CTNND2: variants seen among roughly 807,000 people sequenced by gnomAD.
The protein encoded by CTNND2 is catenin delta-2.
In CTNND2, 22 loss-of-function variants were observed where a neutral mutation model predicts 144.4. The ratio of observed to expected loss-of-function variants is 0.15; its 90% CI spans 0.11 to 0.22. CTNND2 has a LOEUF of 0.22. Ranked by LOEUF, CTNND2 falls within the 10% of genes least tolerant of loss-of-function variation. CTNND2 has a pLI of 1.00. For missense variants in CTNND2, 1,353 were observed against 1,618.8 expected, an observed-to-expected ratio of 0.84 and a Z score of 2.82; for synonymous variants, 751 against 695.6, an observed-to-expected ratio of 1.08 and a Z score of -1.25.
At chr5:11,265,361 G>C (rs1208035672) in intron 9 of CTNND2, among the ~76,000 whole-genome samples, 4 of 152,126 alleles carry the variant, frequency 2.6e-5, no homozygotes, top group African/African-American at 7.2e-5. Flanking sequence ...TTTCCTAGCT[G>C]AAAAAACAAT....
intron 12 of CTNND2, among the ~76,000 whole-genome samples, chr5:11,128,989 AAT>A (rs1413671451): frequency 3.8e-5 from 1 of 26,504 alleles, no homozygotes; most frequent in Non-Finnish European, 8.7e-5. Context: ...AAATATATAT[AAT>A]ATATAATATA....
chr5:11,656,237 C>A (rs2126552327), intron 2 of CTNND2, among the ~76,000 whole-genome samples: 1 of 152,062 alleles, frequency 6.6e-6, no homozygotes, highest in East Asian at 1.9e-4. Context: ...CCTAGAAATA[C>A]AATCAATAAG....
At chr5:11,637,501 CT>C (rs1781773206) in intron 2 of CTNND2, among the ~76,000 whole-genome samples, 1 of 152,096 alleles carries the variant, frequency 6.6e-6, no homozygotes, top group South Asian at 2.1e-4. Flanking sequence ...GACAAAGTTA[CT>C]TTTTTAAATT....
chr5:11,013,740 C>T (rs1041675881), intron 18 of CTNND2, among the ~76,000 whole-genome samples: 21 of 152,176 alleles, frequency 1.4e-4, no homozygotes, highest in East Asian at 3.8e-4. Flanking sequence ...ACTGCTGGAA[C>T]GGTACTGCCT....
chr5:11,244,834 G>T (rs1322707816), intron 9 of CTNND2, among the ~76,000 whole-genome samples: 2 of 152,176 alleles, frequency 1.3e-5, no homozygotes, highest in African/African-American at 4.8e-5. Flanking sequence ...CTGGAGAAGT[G>T]CTCAGCTCAT....
chr5:11,846,153 T>A lies in CTNND2; in HGVS notation c.37+57664A>T, dbSNP rs551734549. Among the ~76,000 whole-genome samples the A allele has an allele frequency of 1.8e-4, 28 of 152,298 alleles. No individual in the cohort carries two copies. The East Asian group carries it at 2.1e-3, about 12-fold the overall frequency. On this transcript the variant is annotated intron_variant, in intron 1 of 21. Coordinates refer to ENST00000304623, the MANE Select transcript of CTNND2 (RefSeq NM_001332.4). ...GAAATAGGTATAAAAAGAAATTTTC[T>A]TACCTATTTCTATTTGGACAATTTT... is the stretch of plus-strand genomic sequence containing the variant.
At chr5:11,305,105 C>T (rs17794637) in intron 9 of CTNND2, among the ~76,000 whole-genome samples, 25,630 of 152,198 alleles carry the variant, frequency 0.17, 2,474 homozygotes, top group Middle Eastern at 0.26. Context: ...TGGTGTCTTA[C>T]CAGGTGCTAA....
intron 1 of CTNND2, among the ~76,000 whole-genome samples, chr5:11,812,804 G>A (rs989803436): frequency 6.6e-6 from 1 of 152,250 alleles, no homozygotes; most frequent in African/African-American, 2.4e-5. Flanking sequence ...AGGACACAGT[G>A]CTGGGAACCA....
intron 2 of CTNND2, among the ~76,000 whole-genome samples, chr5:11,725,962 G>A (rs1294602084): frequency 6.6e-6 from 1 of 152,030 alleles, no homozygotes; most frequent in Non-Finnish European, 1.5e-5. Context: ...TTAATTTCTT[G>A]CTTTGTGCAA....
At chr5:11,577,261 C>G (rs1778043366) in intron 2 of CTNND2, among the ~76,000 whole-genome samples, 1 of 152,112 alleles carries the variant, frequency 6.6e-6, no homozygotes, top group South Asian at 2.1e-4. Context: ...ATGTGGAAAG[C>G]ATTCTGCAAG....
At chr5:11,357,115 T>C (rs79906812) in intron 8 of CTNND2, among the ~76,000 whole-genome samples, 13,991 of 152,128 alleles carry the variant, frequency 0.092, 805 homozygotes, top group African/African-American at 0.15. Context: ...GAAAACAATA[T>C]GTTGGTTCCT....
intron 3 of CTNND2, among the ~76,000 whole-genome samples, chr5:11,505,824 G>A (rs1011370835): frequency 2.6e-5 from 4 of 152,000 alleles, no homozygotes; most frequent in Non-Finnish European, 2.9e-5. Flanking sequence ...AGCTCCTCAC[G>A]ATCCTCTGTG....
intron 3 of CTNND2, among the ~76,000 whole-genome samples, chr5:11,418,337 C>T (rs192640838): frequency 1.3e-5 from 2 of 152,182 alleles, no homozygotes; most frequent in African/African-American, 4.8e-5. Flanking sequence ...ATCCAGGAGG[C>T]AGAGGTTGCG....
At chr5:11,348,606 CA>C (rs1208334319) in intron 8 of CTNND2, among the ~76,000 whole-genome samples, 1 of 151,718 alleles carries the variant, frequency 6.6e-6, no homozygotes, top group African/African-American at 2.4e-5. Context: ...TTAATGTATT[CA>C]ATACAATGAT....
intron 11 of CTNND2, among the ~76,000 whole-genome samples, chr5:11,170,201 T>C (rs1425708430): frequency 6.6e-6 from 1 of 152,200 alleles, no homozygotes; most frequent in South Asian, 2.1e-4. Flanking sequence ...GTCAGACACA[T>C]AAATTTGCTA....
At chr5:11,744,120 G>A (rs1037262774) in intron 1 of CTNND2, among the ~76,000 whole-genome samples, 10 of 152,198 alleles carry the variant, frequency 6.6e-5, no homozygotes, top group African/African-American at 1.9e-4. Context: ...CTTTGGCTAC[G>A]TTCCGAATGT....
intron 16 of CTNND2, among the ~76,000 whole-genome samples, chr5:11,053,947 GA>G (rs1211266572): frequency 6.6e-6 from 1 of 152,126 alleles, no homozygotes; most frequent in Non-Finnish European, 1.5e-5. Flanking sequence ...TGCTTTTTGG[GA>G]AAAATTAAGC....
chr5:11,333,263 T>C (rs183217848), intron 9 of CTNND2, among the ~76,000 whole-genome samples: 65 of 152,240 alleles, frequency 4.3e-4, no homozygotes, highest in African/African-American at 1.5e-3. Context: ...TTCTATTCTT[T>C]TCTTTTTTTT....
At chr5:11,682,763 T>C (rs1365224409) in intron 2 of CTNND2, among the ~76,000 whole-genome samples, 1 of 152,170 alleles carries the variant, frequency 6.6e-6, no homozygotes, top group East Asian at 1.9e-4. Flanking sequence ...TCCTTGCTCT[T>C]GGATGGAAAC....
Sources: gnomAD v4.1 joint callset for allele counts (sites outside exome capture counted in the v4.1 genomes callset) on GRCh38, gnomAD v4.1.1 for gene constraint, MANE v1.5 for transcripts, NCBI Gene and HGNC (gene_info 2026-07-23, HGNC 2026-07-21) for gene names.